NDST4: variants seen among roughly 807,000 people sequenced by gnomAD.
The protein encoded by NDST4 is N-heparan sulfate sulfotransferase 4.
In NDST4, 63 loss-of-function variants were observed where a neutral mutation model predicts 100.8. The ratio of observed to expected loss-of-function variants is 0.62; its 90% CI spans 0.51 to 0.77. The LOEUF (loss-of-function observed/expected upper bound fraction) is 0.77. NDST4 is among the 30% of genes least tolerant of loss of function. The probability of loss-of-function intolerance (pLI) is 0.00; values close to 1 mark genes in which losing one functional copy is unlikely to be tolerated. For synonymous variants in NDST4, 377 were observed against 361.8 expected (o/e 1.04, Z -0.48); for missense variants, 943 against 1,018.4 (o/e 0.93, Z 1.01).
At chr4:115,087,530 T>TTTTTTA (rs1220961492) in intron 1 of NDST4, among the ~76,000 whole-genome samples, 106 of 152,030 alleles carry the variant, frequency 7.0e-4, no homozygotes, top group African/African-American at 2.4e-3. Flanking sequence ...TCCTTGACAG[T>TTTTTTA]GGATGGTTTT....
At chr4:114,843,846 G>A (rs1481965517) in intron 10 of NDST4, among the ~76,000 whole-genome samples, 1 of 152,030 alleles carries the variant, frequency 6.6e-6, no homozygotes, top group African/African-American at 2.4e-5. Context: ...ACATGGCCAT[G>A]GCTTCATACC....
chr4:115,063,963 T>C (rs1728878567), intron 2 of NDST4, among the ~76,000 whole-genome samples: 1 of 151,996 alleles, frequency 6.6e-6, no homozygotes, highest in African/African-American at 2.4e-5. Flanking sequence ...TTTCAAGAAA[T>C]TGCTCTCAGC....
At position 114,851,174 on chromosome 4, in the gene NDST4, G is replaced by T. The variant is rs1723667905; in HGVS notation, c.1816+1551C>A. The stretch of plus-strand genomic sequence containing the variant: ...CAAGTTTGCATTTAAGGGAAGATTG[G>T]CAGCACGTATTTGTGACCCCCCTGC... On this transcript the variant is annotated intron_variant, in intron 8 of 13. Coordinates refer to ENST00000264363, the MANE Select transcript of NDST4 (RefSeq NM_022569.3). Among the ~76,000 whole-genome samples the T allele has an allele frequency of 5.3e-5, 8 of 152,210 alleles. 1 individual carries two copies. The South Asian group carries it at 1.7e-3, about 32-fold the overall frequency.
chr4:114,831,463 T>C (rs1487910080), intron 12 of NDST4, among the ~76,000 whole-genome samples: 3 of 152,102 alleles, frequency 2.0e-5, no homozygotes, highest in Non-Finnish European at 4.4e-5. Context: ...TGAGATGAAG[T>C]TGGCATAACA....
intron 2 of NDST4, among the ~76,000 whole-genome samples, chr4:114,996,144 C>A (rs1017157944): frequency 1.3e-5 from 2 of 152,104 alleles, no homozygotes; most frequent in African/African-American, 4.8e-5. Flanking sequence ...ATAATCTCCA[C>A]ATGTCAAGGG....
chr4:114,940,139 A>C (rs559389139), intron 4 of NDST4, among the ~76,000 whole-genome samples: 12 of 152,316 alleles, frequency 7.9e-5, no homozygotes, highest in African/African-American at 2.6e-4. Flanking sequence ...AAAACAAATA[A>C]ATTCAAATAT....
intron 2 of NDST4, among the ~76,000 whole-genome samples, chr4:114,988,278 C>T (rs1447083462): frequency 1.4e-5 from 2 of 141,924 alleles, no homozygotes; most frequent in African/African-American, 5.2e-5. Context: ...TTTTCATGAT[C>T]AATTTTATAA....
At chr4:115,100,582 A>C (rs950788094) in intron 1 of NDST4, among the ~76,000 whole-genome samples, 3 of 152,118 alleles carry the variant, frequency 2.0e-5, no homozygotes, top group Non-Finnish European at 4.4e-5. Context: ...ACAGTAGGAT[A>C]CATTTAAGAA....
chr4:115,107,580 A>G (rs1266476427), intron 1 of NDST4, among the ~76,000 whole-genome samples: 2 of 152,046 alleles, frequency 1.3e-5, no homozygotes, highest in African/African-American at 2.4e-5. Context: ...TTTCCTGACC[A>G]GTCCTATCAC....
At chr4:114,853,711 A>C (rs867585177) in intron 7 of NDST4, among the ~76,000 whole-genome samples, 2 of 152,316 alleles carry the variant, frequency 1.3e-5, no homozygotes, top group Admixed American at 6.5e-5. Flanking sequence ...AAAACATTCT[A>C]TTTTTATATT....
intron 4 of NDST4, among the ~76,000 whole-genome samples, chr4:114,966,400 A>C (rs898785929): frequency 1.3e-5 from 2 of 150,990 alleles, no homozygotes; most frequent in African/African-American, 4.8e-5. Flanking sequence ...ATTTTTAAAC[A>C]TATTACAAGA....
intron 2 of NDST4, among the ~76,000 whole-genome samples, chr4:115,002,742 G>T (rs975818510): frequency 6.6e-6 from 1 of 152,176 alleles, no homozygotes; most frequent in Admixed American, 6.6e-5. Flanking sequence ...ATACCCAAAG[G>T]ATTATAAATC....
intron 6 of NDST4, among the ~76,000 whole-genome samples, chr4:114,922,669 T>C (rs1725312177): frequency 6.6e-6 from 1 of 152,164 alleles, no homozygotes; most frequent in Admixed American, 6.5e-5. Flanking sequence ...AGACAAGAAT[T>C]GAGGTTTCAG....
intron 1 of NDST4, among the ~76,000 whole-genome samples, chr4:115,105,325 G>A (rs1260040911): frequency 2.6e-5 from 4 of 152,064 alleles, no homozygotes; most frequent in South Asian, 2.1e-4. Flanking sequence ...CAAAAGAATA[G>A]TAAAATAATA....
intron 2 of NDST4, among the ~76,000 whole-genome samples, chr4:115,056,653 G>T (rs989711731): frequency 4.6e-5 from 7 of 152,018 alleles, no homozygotes; most frequent in Non-Finnish European, 8.8e-5. Flanking sequence ...ACTTTTATTA[G>T]AAACTACTGT....
At chr4:114,952,411 G>C (rs1319353884) in intron 4 of NDST4, among the ~76,000 whole-genome samples, 1 of 152,044 alleles carries the variant, frequency 6.6e-6, no homozygotes, top group Non-Finnish European at 1.5e-5. Context: ...ATTGCCATCT[G>C]CTAGGAAAAT....
chr4:114,848,179 T>C (rs761583533), intron 9 of NDST4, 36 bp downstream of exon 9: 2 of 1,560,614 alleles, frequency 1.3e-6, no homozygotes, highest in South Asian at 2.4e-5. Context: ...TGAGCATGTG[T>C]TAATAATGGA....
intron 4 of NDST4, among the ~76,000 whole-genome samples, chr4:114,952,163 A>C (rs1409242185): frequency 6.6e-6 from 1 of 152,172 alleles, no homozygotes; most frequent in Non-Finnish European, 1.5e-5. Flanking sequence ...ACACTTACCA[A>C]AAATAATAAT....
intron 1 of NDST4, among the ~76,000 whole-genome samples, chr4:115,082,321 A>G (rs1460938886): frequency 6.6e-6 from 1 of 152,168 alleles, no homozygotes; most frequent in Non-Finnish European, 1.5e-5. Context: ...GAGATTCTCT[A>G]AAATACAGTT....
Sources: allele counts gnomAD v4.1 joint callset (sites outside exome capture counted in the v4.1 genomes callset), GRCh38; gene constraint gnomAD v4.1.1; transcripts MANE v1.5; gene names NCBI Gene and HGNC (gene_info 2026-07-23, HGNC 2026-07-21).